ELAVL2: variants seen among roughly 807,000 people sequenced by gnomAD.
The protein encoded by ELAVL2 is ELAV-like protein 2.
A neutral mutation model predicts 34.6 loss-of-function variants in ELAVL2; 4 were observed. The observed-to-expected ratio is 0.12, with a 90% CI of 0.06 to 0.26. ELAVL2 has a LOEUF of 0.26. ELAVL2 is among the 10% of genes least tolerant of loss of function. The pLI is 1.00. For synonymous variants in ELAVL2, 193 were observed against 154.8 expected, an observed-to-expected ratio of 1.25 and a Z score of -1.83; for missense variants, 432 against 442.8, an observed-to-expected ratio of 0.98 and a Z score of 0.22.
At chr9:23,828,692 T>G (rs2065406239), upstream of ELAVL2, among the ~76,000 whole-genome samples, 1 of 152,156 alleles carries the variant, frequency 6.6e-6, no homozygotes, top group Admixed American at 6.5e-5. Flanking sequence ...TGTTGTCTTT[T>G]TATGTAGGTG....
At chr9:23,850,088 C>A in the ELAVL2 span, among the ~76,000 whole-genome samples, 7 of 144,292 alleles carry the variant, frequency 4.9e-5, no homozygotes, top group Non-Finnish European at 7.5e-5. Context: ...GCAAGACGCA[C>A]GGTTCAGAAC....
chr9:23,735,602 T>G (rs1193773059), intron 2 of ELAVL2: 1 of 152,244 alleles, frequency 6.6e-6, no homozygotes, highest in Non-Finnish European at 1.5e-5. Flanking sequence ...TTAATGGCCT[T>G]GGTAGGGATT....
intron 1 of ELAVL2, among the ~76,000 whole-genome samples, chr9:23,818,490 A>C (rs758817196): frequency 5.3e-5 from 8 of 152,230 alleles, no homozygotes; most frequent in Middle Eastern, 3.4e-3. Context: ...ACCTCCCCCC[A>C]CACACACTCA....
chr9:23,761,561 A>G (rs2055010435), intron 2 of ELAVL2, among the ~76,000 whole-genome samples: 1 of 152,228 alleles, frequency 6.6e-6, no homozygotes, highest in East Asian at 1.9e-4. Flanking sequence ...TGACAATGTG[A>G]ACATTACCAT....
At chr9:23,803,912 G>C (rs1390255193) in intron 1 of ELAVL2, among the ~76,000 whole-genome samples, 1 of 152,130 alleles carries the variant, frequency 6.6e-6, no homozygotes, top group Non-Finnish European at 1.5e-5. Flanking sequence ...GAGAACTTGA[G>C]AGTGGCATCC....
intron 5 of ELAVL2, among the ~76,000 whole-genome samples, chr9:23,698,895 A>G (rs1463521080): frequency 5.9e-5 from 9 of 152,138 alleles, no homozygotes; most frequent in Admixed American, 5.9e-4. Flanking sequence ...GAGCACACTA[A>G]CTCGTTCATA....
chr9:23,709,578 G>A (rs1346557939), intron 3 of ELAVL2, among the ~76,000 whole-genome samples: 1 of 152,100 alleles, frequency 6.6e-6, no homozygotes, highest in Non-Finnish European at 1.5e-5. Context: ...CTCCCTTGAA[G>A]GCCCAAAAGA....
At position 23,732,023 on chromosome 9, in the gene ELAVL2, G is replaced by C. The variant is rs117024999; in HGVS notation, c.230-898C>G. ...GCAATGGTCTCAACTTTTCAATGAA[G>C]CAAGTTTCTCAGTTTGAAATGGCAA... On this transcript the variant is annotated intron_variant, in intron 2 of 6. Coordinates refer to ENST00000397312, the MANE Select transcript of ELAVL2 (RefSeq NM_004432.5). Among the ~76,000 whole-genome samples the C allele has an allele frequency of 7.2e-3, 1,093 of 152,242 alleles. 5 individuals carry two copies. Among genetic ancestry groups the C allele is most frequent in the Non-Finnish European group, 0.011 (781 of 68,012 alleles).
intron 4 of ELAVL2, among the ~76,000 whole-genome samples, chr9:23,704,042 C>A (rs1346623597): frequency 2.6e-5 from 4 of 152,086 alleles, no homozygotes; most frequent in Non-Finnish European, 4.4e-5. Flanking sequence ...AAGTGATTCT[C>A]CTGCCTCAGC....
At chr9:23,767,669 A>C (rs2056559774) in intron 1 of ELAVL2, among the ~76,000 whole-genome samples, 1 of 152,110 alleles carries the variant, frequency 6.6e-6, no homozygotes, top group Admixed American at 6.6e-5. Flanking sequence ...GCTACTCAGG[A>C]CGCTGAGGCA....
chr9:23,783,327 T>G (rs1233005472), intron 1 of ELAVL2: 3 of 331,718 alleles, frequency 9.0e-6, no homozygotes, highest in African/African-American at 6.7e-5. Context: ...GACAGCAAGA[T>G]CTCACTCAGC....
intron 1 of ELAVL2, among the ~76,000 whole-genome samples, chr9:23,783,980 G>T (rs1299838006): frequency 1.3e-5 from 2 of 151,706 alleles, no homozygotes; most frequent in Non-Finnish European, 2.9e-5. Flanking sequence ...GGATCACGAG[G>T]TCAGGAGATC....
At chr9:23,786,717 C>T (rs1470966018) in intron 1 of ELAVL2, among the ~76,000 whole-genome samples, 2 of 132,132 alleles carry the variant, frequency 1.5e-5, no homozygotes, top group Non-Finnish European at 3.1e-5. Context: ...AAAACGAAGA[C>T]ATTAATGTTC....
rs140781180 is a variant in ELAVL2, at chr9:23,732,035, G to C, written c.230-910C>G. Among the ~76,000 whole-genome samples the C allele has an allele frequency of 9.5e-4, 144 of 152,268 alleles. 1 individual carries two copies. The highest frequency in any genetic ancestry group is 2.2e-4 in the Non-Finnish European group (15 of 68,014). On this transcript the variant is annotated intron_variant, in intron 2 of 6. Transcript: ENST00000397312. ...ACTTTTCAATGAAGCAAGTTTCTCAGTTTGAAATGGCAAGAAACATTATAC... is the reference window on the plus strand; with the variant it reads ...ACTTTTCAATGAAGCAAGTTTCTCACTTTGAAATGGCAAGAAACATTATAC...
rs975585730 is a variant in ELAVL2 at position 23,738,431 on chromosome 9, G to C, written c.230-7306C>G. ...TTCCTTGCTGCCCTCTAATGAGTAA[G>C]ATCAAATTGTGAGATGGAGGACTGG... On this transcript the variant is annotated intron_variant, in intron 2 of 6. Transcript: ENST00000397312. Among the ~76,000 whole-genome samples, 11 of 152,304 alleles carry C rather than the reference G, an allele frequency of 7.2e-5. No homozygotes were observed. In the South Asian group the frequency reaches 2.3e-3, roughly 32 times the overall value.
At chr9:23,757,563 A>G (rs1161268581) in intron 2 of ELAVL2, among the ~76,000 whole-genome samples, 1 of 151,222 alleles carries the variant, frequency 6.6e-6, no homozygotes, top group East Asian at 1.9e-4. Flanking sequence ...CATAAAATCC[A>G]TTTCGTTCAT....
intron 1 of ELAVL2, chr9:23,783,397 G>T: frequency 4.1e-6 from 4 of 974,370 alleles, no homozygotes; most frequent in Non-Finnish European, 4.9e-6. Context: ...TTAAACTGAA[G>T]AAAAACATGT....
At chr9:23,716,209 A>T (rs983696233) in intron 3 of ELAVL2, among the ~76,000 whole-genome samples, 8 of 152,012 alleles carry the variant, frequency 5.3e-5, no homozygotes, top group African/African-American at 1.9e-4. Flanking sequence ...AGATATACCT[A>T]ATGTAAATGA....
At chr9:23,713,905 G>C (rs146146808) in intron 3 of ELAVL2, among the ~76,000 whole-genome samples, 1 of 152,036 alleles carries the variant, frequency 6.6e-6, no homozygotes, top group Non-Finnish European at 1.5e-5. Context: ...TCCAGGTCTT[G>C]GCTCTGTTAC....
Sources: gnomAD v4.1 joint callset for allele counts (sites outside exome capture counted in the v4.1 genomes callset) on GRCh38, gnomAD v4.1.1 for gene constraint, MANE v1.5 for transcripts, NCBI Gene and HGNC (gene_info 2026-07-23, HGNC 2026-07-21) for gene names.